The following POU2F1 variants were observed in gnomAD, a reference collection of about 807,000 sequenced individuals.
The protein encoded by POU2F1 is POU domain, class 2, transcription factor 1.
In POU2F1, 16 loss-of-function variants were observed where a neutral mutation model predicts 84.9. That is an observed-to-expected ratio of 0.19 (90% confidence interval 0.13 to 0.29). POU2F1 has a LOEUF of 0.29. POU2F1 is among the 10% of genes least tolerant of loss of function. The pLI is 1.00. For missense variants in POU2F1, 738 were observed against 942.6 expected, an observed-to-expected ratio of 0.78 and a Z score of 2.84; for synonymous variants, 368 against 368.3, an observed-to-expected ratio of 1.00 and a Z score of 0.01.
At position 167,389,636 on chromosome 1, in the gene POU2F1, C is replaced by G; in HGVS notation, c.862C>G (p.Pro288Ala). 6.2e-7 allele frequency: 1 copy of G among 1,614,208 alleles called. No individual in the cohort carries two copies. The highest frequency in any genetic ancestry group is 8.5e-7 in the Non-Finnish European group (1 of 1,180,030). The change falls in exon 9 of 16, where the codon CCA becomes GCA. Residue 288 changes from proline (P) to alanine (A), a missense_variant. Pro to Ala is a conservative substitution (Grantham distance 27, BLOSUM62 -1). Around this residue, in one of 4 missense-constraint regions of POU2F1, gnomAD observed 163 missense variants for 214.4 expected, o/e 0.76. Transcript: ENST00000367866. ...AGCAGCAACCCCAATTCAGACACTT[C>G]CACAGAGCCAGTCAACACCAAAGCG... is the stretch of plus-strand genomic sequence containing the variant. The part of the protein sequence containing the change: ...TIAATPIQTL[P>A]QSQSTPKRID...
chr1:167,244,028 TA>T (rs1014899028), intron 1 of POU2F1, among the ~76,000 whole-genome samples: 7 of 152,160 alleles, frequency 4.6e-5, no homozygotes, highest in African/African-American at 1.4e-4. Context: ...GCCAATCTCC[TA>T]CTCATCCTGC....
Position 167,376,071 on chromosome 1 carries a change from C to T in POU2F1, c.634C>T (p.Leu212=), listed in dbSNP as rs761015165. The change falls in exon 7 of 16, where the codon CTG becomes TTG. Residue 212 remains leucine, a synonymous_variant. Transcript: ENST00000367866. The stretch of plus-strand genomic sequence containing the variant: ...ACAGCTTCAACAGCAGAATCTCAAC[C>T]TGCAACAGTTTGTGTTGGTGCATCC... ...LQQLQQQNLN[L]QQFVLVHPTT... is the part of the protein sequence containing the mutation. The T allele has an allele frequency of 6.2e-7, 1 of 1,614,180 alleles. No homozygotes were observed. Among genetic ancestry groups the T allele is most frequent in the South Asian group, 1.1e-5 (1 of 91,086 alleles).
At chr1:167,240,012 A>G (rs1007787996) in intron 1 of POU2F1, among the ~76,000 whole-genome samples, 1 of 152,112 alleles carries the variant, frequency 6.6e-6, no homozygotes, top group Middle Eastern at 3.4e-3. Context: ...ATGACACACA[A>G]CTCAAATGCC....
intron 1 of POU2F1, among the ~76,000 whole-genome samples, chr1:167,300,520 A>G (rs550441472): frequency 6.6e-6 from 1 of 152,218 alleles, no homozygotes; most frequent in East Asian, 1.9e-4. Flanking sequence ...GCCAGAGTGT[A>G]GTGGCGCGAT....
intron 1 of POU2F1, among the ~76,000 whole-genome samples, chr1:167,320,278 C>G (rs529662405): frequency 6.6e-6 from 1 of 152,164 alleles, no homozygotes; most frequent in Non-Finnish European, 1.5e-5. Flanking sequence ...GCTTTTTGAG[C>G]TGAAGTATAG....
In POU2F1 at chr1:167,415,816, G is replaced by A. The variant is rs763960542; in HGVS notation, c.*6G>A. ...CCGCCTCCAAGGCACAGTGAGCTGGGCAGAGCTGGGCTGCCAGAAGCCTTT... is the reference window on the plus strand; with the variant it reads ...CCGCCTCCAAGGCACAGTGAGCTGGACAGAGCTGGGCTGCCAGAAGCCTTT... On this transcript the variant is annotated 3_prime_UTR_variant, in exon 16 of 16. Transcript: ENST00000367866. 36 of 1,608,092 alleles carry A rather than the reference G, an allele frequency of 2.2e-5. No homozygotes were observed. The highest frequency in any genetic ancestry group is 1.7e-4 in the Middle Eastern group (1 of 6,040).
chr1:167,382,546 T>C (rs1452700198), intron 7 of POU2F1, among the ~76,000 whole-genome samples: 1 of 152,198 alleles, frequency 6.6e-6, no homozygotes, highest in East Asian at 1.9e-4. Flanking sequence ...TATAAGGCCA[T>C]GACAGCATTT....
rs567797402 is a variant in POU2F1 at position 167,236,393 on chromosome 1, G to A, written c.61+15435G>A. 3.4e-4 allele frequency among the ~76,000 whole-genome samples: 52 copies of A among 152,098 alleles called. 1 individual carries two copies. In the South Asian group the frequency reaches 9.1e-3, roughly 27 times the overall value. On this transcript the variant is annotated intron_variant, in intron 1 of 15. Coordinates refer to ENST00000367866, the MANE Select transcript of POU2F1 (RefSeq NM_002697.4). ...TGGGATTACAGACATGAGCCACCGC[G>A]CCCGGCCGACATCTTCTTATTAAAT...
At chr1:167,251,470 G>T (rs1426828508) in intron 1 of POU2F1, among the ~76,000 whole-genome samples, 1 of 152,080 alleles carries the variant, frequency 6.6e-6, no homozygotes, top group African/African-American at 2.4e-5. Flanking sequence ...AACTAATTAG[G>T]CCTAGTATTT....
At chr1:167,251,552 T>C (rs771461752) in intron 1 of POU2F1, among the ~76,000 whole-genome samples, 4 of 152,218 alleles carry the variant, frequency 2.6e-5, no homozygotes, top group East Asian at 3.8e-4. Flanking sequence ...GAGGTAGTTT[T>C]AGTATGTTAT....
At chr1:167,373,552 A>C (rs1360315406) in intron 5 of POU2F1, among the ~76,000 whole-genome samples, 1 of 152,202 alleles carries the variant, frequency 6.6e-6, no homozygotes, top group Non-Finnish European at 1.5e-5. Context: ...GCAGAGACTC[A>C]GTGCTTTCAA....
In POU2F1 at chr1:167,412,208, G is replaced by A; in HGVS notation, c.1805G>A (p.Gly602Glu). The A allele has an allele frequency of 6.2e-7, 1 of 1,611,954 alleles. No individual in the cohort carries two copies. The highest frequency in any genetic ancestry group is 8.5e-7 in the Non-Finnish European group (1 of 1,178,966). The change falls in exon 14 of 16, where the codon GGA (glycine) becomes GAA (glutamate). Residue 602 changes from glycine (G) to glutamate (E), a missense_variant. Physicochemically the swap from Gly to Glu is moderately conservative, Grantham distance 98. This residue lies in a region of POU2F1 where 319 missense variants were observed against 386.0 expected (regional missense o/e 0.83). Transcript: ENST00000367866. ...LQTAAAAALQ[G>E]AAQLPANASL... ...ACAGCAGCAGCTGCTGCCCTTCAAG[G>A]AGCTGCACAGTTGCCAGCAAATGCC...
intron 1 of POU2F1, among the ~76,000 whole-genome samples, chr1:167,275,480 T>C (rs1269179661): frequency 6.6e-6 from 1 of 152,192 alleles, no homozygotes; most frequent in Admixed American, 6.5e-5. Context: ...CTGATATCTC[T>C]ACTTGTTCTT....
At chr1:167,386,268 C>T (rs1185182391) in intron 8 of POU2F1, among the ~76,000 whole-genome samples, 1 of 152,234 alleles carries the variant, frequency 6.6e-6, no homozygotes, top group South Asian at 2.1e-4. Context: ...TCACAGCCCA[C>T]TCTAGCAGCC....
chr1:167,409,309 C>T (rs901669248), intron 13 of POU2F1, among the ~76,000 whole-genome samples: 1 of 152,058 alleles, frequency 6.6e-6, no homozygotes, highest in African/African-American at 2.4e-5. Context: ...CAAGACAGGG[C>T]GGGAAGCACA....
chr1:167,381,833 C>T (rs1647587283), intron 7 of POU2F1, among the ~76,000 whole-genome samples: 1 of 151,286 alleles, frequency 6.6e-6, no homozygotes, highest in South Asian at 2.1e-4. Flanking sequence ...TGGTCTTGAA[C>T]TCCTGACCTC....
intron 1 of POU2F1, among the ~76,000 whole-genome samples, chr1:167,313,840 A>T (rs2102609401): frequency 6.6e-6 from 1 of 152,344 alleles, no homozygotes; most frequent in South Asian, 2.1e-4. Context: ...AACATATCTA[A>T]TAAAGGACTC....
rs148720073 is a variant in POU2F1, at chr1:167,363,601, G to A, written c.128-1866G>A. 2.5e-3 allele frequency among the ~76,000 whole-genome samples: 388 copies of A among 152,202 alleles called. 1 individual carries two copies. Among genetic ancestry groups the A allele is most frequent in the African/African-American group, 8.9e-3 (369 of 41,526 alleles). On this transcript the variant is annotated intron_variant, in intron 2 of 15. Transcript: ENST00000367866. ...TGGAAAAAAATAAAAAATAAAGGAG[G>A]TGATTCTAATTACATTTTATTTTCA...
Position 167,220,935 on chromosome 1 carries a change from C to T in POU2F1, c.38C>T (p.Ser13Leu). The change falls in exon 1 of 16, where the codon TCA becomes TTA. Residue 13 changes from serine to leucine, a missense_variant. Ser to Leu is a moderately radical substitution (Grantham distance 145). Transcript: ENST00000367866. ...GGAGCAGCGAGTCAAGATGAGAGTT[C>T]AGCCGCGGCGGCAGCAGCAGCAGGT... ...DGGAASQDES[S>L]AAAAAAADSR... 1.3e-6 allele frequency: 2 copies of T among 1,535,378 alleles called. No homozygotes were observed. The highest frequency in any genetic ancestry group is 1.7e-6 in the Non-Finnish European group (2 of 1,146,790).
Sources: gnomAD v4.1 joint callset for allele counts (sites outside exome capture counted in the v4.1 genomes callset) on GRCh38, gnomAD v4.1.1 for gene constraint, gnomAD v4.1.1 regional missense constraint, MANE v1.5 for transcripts, NCBI Gene and HGNC (gene_info 2026-07-23, HGNC 2026-07-21) for gene names.